The following ITFG1 variants were observed in gnomAD, a reference collection of about 807,000 sequenced individuals.
ITFG1 encodes T-cell immunomodulatory protein.
ITFG1 carries 34 observed loss-of-function variants against 81.8 expected under a neutral mutation model. The ratio of observed to expected loss-of-function variants is 0.42; its 90% CI spans 0.32 to 0.55. The LOEUF is 0.55. Among genes scored for constraint, ITFG1 ranks in the 20% least tolerant of loss-of-function variants. The pLI, the probability that ITFG1 is intolerant of heterozygous loss-of-function variation, is 0.17. For missense variants in ITFG1, 672 were observed against 755.4 expected, an observed-to-expected ratio of 0.89 and a Z score of 1.29; for synonymous variants, 285 against 270.6, an observed-to-expected ratio of 1.05 and a Z score of -0.52.
At chr16:47,376,670 AACATT>A (rs1470111730) in intron 6 of ITFG1, among the ~76,000 whole-genome samples, 3 of 152,200 alleles carry the variant, frequency 2.0e-5, no homozygotes, top group African/African-American at 7.2e-5. Flanking sequence ...ATATTAAAAT[AACATT>A]ACTGTTTTAT....
At chr16:47,215,676 C>T (rs541853670) in intron 14 of ITFG1, among the ~76,000 whole-genome samples, 19 of 152,266 alleles carry the variant, frequency 1.2e-4, no homozygotes, top group Admixed American at 7.2e-4. Context: ...CTTAAAATAA[C>T]GCACATACAA....
At chr16:47,409,543 G>A (rs1464342314) in intron 6 of ITFG1, among the ~76,000 whole-genome samples, 1 of 144,636 alleles carries the variant, frequency 6.9e-6, no homozygotes, top group Non-Finnish European at 1.5e-5. Flanking sequence ...AGCCTCCTGA[G>A]TAGCTGGGAT....
At chr16:47,173,754 GT>G (rs1964988924) in intron 14 of ITFG1, among the ~76,000 whole-genome samples, 1 of 152,106 alleles carries the variant, frequency 6.6e-6, no homozygotes, top group East Asian at 1.9e-4. Context: ...TAAAAAATAA[GT>G]TTTCGCTGGG....
At chr16:47,187,989 G>A (rs1476983071) in intron 14 of ITFG1, among the ~76,000 whole-genome samples, 2 of 152,078 alleles carry the variant, frequency 1.3e-5, no homozygotes, top group African/African-American at 4.8e-5. Context: ...AGACATTTAT[G>A]CAGCCAAAAA....
chr16:47,379,622 T>C (rs560244820), intron 6 of ITFG1, among the ~76,000 whole-genome samples: 80 of 151,272 alleles, frequency 5.3e-4, no homozygotes, highest in Admixed American at 2.9e-3. Context: ...GAGGTGGAGG[T>C]TGCAGTGAGC....
At chr16:47,417,572 A>G (rs1968890181) in intron 6 of ITFG1, among the ~76,000 whole-genome samples, 1 of 152,136 alleles carries the variant, frequency 6.6e-6, no homozygotes, top group Non-Finnish European at 1.5e-5. Flanking sequence ...TCTGGTAACT[A>G]TTATTGACTA....
chr16:47,230,824 C>CT (rs1242129427), intron 13 of ITFG1, among the ~76,000 whole-genome samples: 6 of 152,344 alleles, frequency 3.9e-5, no homozygotes, highest in African/African-American at 1.4e-4. Context: ...TCTCGGCTCA[C>CT]TGTAAGCTCC....
intron 5 of ITFG1, among the ~76,000 whole-genome samples, chr16:47,431,358 C>A (rs191903957): frequency 6.6e-6 from 1 of 152,150 alleles, no homozygotes; most frequent in Admixed American, 6.5e-5. Context: ...CAAAGGACTG[C>A]GAACCCTATT....
At chr16:47,182,117 C>A (rs1965132790) in intron 14 of ITFG1, among the ~76,000 whole-genome samples, 1 of 151,866 alleles carries the variant, frequency 6.6e-6, no homozygotes, top group South Asian at 2.1e-4. Flanking sequence ...GACCTTCCCT[C>A]CACTATTGTC....
intron 2 of ITFG1, among the ~76,000 whole-genome samples, chr16:47,454,498 G>A (rs1969427837): frequency 6.6e-6 from 1 of 151,950 alleles, no homozygotes; most frequent in African/African-American, 2.4e-5. Flanking sequence ...TCTAACAAAT[G>A]GAGGCTCATA....
intron 7 of ITFG1, among the ~76,000 whole-genome samples, chr16:47,374,695 A>AT (rs981066984): frequency 2.0e-5 from 3 of 152,138 alleles, no homozygotes; most frequent in African/African-American, 7.2e-5. Flanking sequence ...ATATAACTGC[A>AT]TTTTTTTAAA....
chr16:47,298,049 A>G (rs1967011444), intron 10 of ITFG1, among the ~76,000 whole-genome samples: 1 of 152,040 alleles, frequency 6.6e-6, no homozygotes, highest in African/African-American at 2.4e-5. Context: ...CTATTAATTT[A>G]AAAGATTTGT....
chr16:47,382,527 G>A (rs1224716787), intron 6 of ITFG1, among the ~76,000 whole-genome samples: 1 of 151,964 alleles, frequency 6.6e-6, no homozygotes, highest in African/African-American at 2.4e-5. Flanking sequence ...TACACAACAA[G>A]TTACAGAGAG....
intron 6 of ITFG1, among the ~76,000 whole-genome samples, chr16:47,376,960 T>C (rs1383130165): frequency 1.5e-5 from 1 of 65,798 alleles, no homozygotes; most frequent in Non-Finnish European, 2.3e-5. Flanking sequence ...AGACTCTGTC[T>C]CCCCAAAAAA....
At chr16:47,222,551 C>G (rs954878992) in intron 13 of ITFG1, among the ~76,000 whole-genome samples, 1 of 151,868 alleles carries the variant, frequency 6.6e-6, no homozygotes, top group Non-Finnish European at 1.5e-5. Context: ...GTAGCTGGGA[C>G]TACAGGCACC....
At chr16:47,302,771 A>C (rs1388115318) in intron 10 of ITFG1, among the ~76,000 whole-genome samples, 1 of 152,212 alleles carries the variant, frequency 6.6e-6, no homozygotes, top group Non-Finnish European at 1.5e-5. Context: ...AAATTATGAC[A>C]CTAAGCCAGG....
In ITFG1 at chr16:47,459,179, A is replaced by C. The variant is rs773414189; in HGVS notation, c.209-4T>G. On this transcript the variant is annotated splice_polypyrimidine_tract_variant and splice_region_variant and intron_variant, in intron 1 of 17. Coordinates refer to ENST00000320640, the MANE Select transcript of ITFG1 (RefSeq NM_030790.5). ...AAAAAGACGATTAAGTCATTTCCTAAAGAAAACAAATATATGATATTAGAA... is the reference window on the plus strand; with the variant it reads ...AAAAAGACGATTAAGTCATTTCCTACAGAAAACAAATATATGATATTAGAA... 1.3e-6 allele frequency: 2 copies of C among 1,566,612 alleles called. No homozygotes were observed. The highest frequency in any genetic ancestry group is 2.2e-5 in the South Asian group (2 of 90,010).
chr16:47,228,591 G>A (rs952018540), intron 13 of ITFG1, among the ~76,000 whole-genome samples: 5 of 152,088 alleles, frequency 3.3e-5, no homozygotes, highest in African/African-American at 1.2e-4. Flanking sequence ...GACAAGTCTC[G>A]AACTCCTGGG....
At chr16:47,451,519 T>C (rs1320253491) in intron 4 of ITFG1, 49 bp from the exon 5 acceptor site, 1 of 1,013,984 alleles carries the variant, frequency 9.9e-7, no homozygotes. Context: ...AATTCTTACT[T>C]CTAATTTAGC....
Sources: gnomAD v4.1 joint callset for allele counts (sites outside exome capture counted in the v4.1 genomes callset) on GRCh38, gnomAD v4.1.1 for gene constraint, MANE v1.5 for transcripts, NCBI Gene and HGNC (gene_info 2026-07-23, HGNC 2026-07-21) for gene names.